Variants in DDX60L observed in about 807,000 individuals in gnomAD.
DDX60L encodes the protein DExD/H-box 60 like, also known as probable ATP-dependent RNA helicase DDX60-like.
Under a neutral mutation model 211.6 loss-of-function variants are expected in DDX60L, and 191 were observed. That is an observed-to-expected ratio of 0.90 (90% CI 0.80 to 1.02). The LOEUF (loss-of-function observed/expected upper bound fraction) is 1.02. DDX60L is among the 50% of genes least tolerant of loss of function. The pLI is 0.00. For missense variants in DDX60L, 2,007 were observed against 1,984.1 expected, an observed-to-expected ratio of 1.01 and a Z score of -0.22; for synonymous variants, 706 against 694.1, an observed-to-expected ratio of 1.02 and a Z score of -0.27.
chr4:168,383,089 C>T (rs1743245619), intron 30 of DDX60L, among the ~76,000 whole-genome samples: 1 of 152,158 alleles, frequency 6.6e-6, no homozygotes. Context: ...AACCAGGGAC[C>T]TATTCCAGAC....
At chr4:168,430,884 A>G (rs1227232125) in intron 12 of DDX60L, among the ~76,000 whole-genome samples, 2 of 152,262 alleles carry the variant, frequency 1.3e-5, no homozygotes, top group East Asian at 3.9e-4. Context: ...AGAGGAGAAG[A>G]GGAAGGTTGG....
chr4:168,371,556 A>G (rs1741017170), intron 36 of DDX60L, 56 bp downstream of exon 36: 2 of 994,858 alleles, frequency 2.0e-6, no homozygotes, highest in African/African-American at 3.2e-5. Flanking sequence ...ATACAATAAT[A>G]AAACATAGAT....
Position 168,434,068 on chromosome 4 carries a change from CTTTGTT to C in DDX60L, c.1295-959_1295-954del, listed in dbSNP as rs1287420855. Among the ~76,000 whole-genome samples, 11 of 151,678 alleles carry C rather than the reference CTTTGTT, an allele frequency of 7.3e-5. No homozygotes were observed. In the East Asian group the frequency reaches 2.1e-3, roughly 29 times the overall value. On this transcript the variant is annotated intron_variant, in intron 10 of 37. Coordinates refer to ENST00000682922, the MANE Select transcript of DDX60L (RefSeq NM_001012967.3). ...GTTTTCTTTCTTATTCTTAAGAGAA[CTTTGTT>C]TTTGGTTTGCTGCGGTTGCACTATA...
At chr4:168,406,432 A>G (rs1019596021) in intron 23 of DDX60L, among the ~76,000 whole-genome samples, 170 bp downstream of exon 23, 4 of 152,260 alleles carry the variant, frequency 2.6e-5, no homozygotes, top group African/African-American at 9.6e-5. Flanking sequence ...ACGTACAATA[A>G]TAAAGTCACA....
chr4:168,407,312 T>C (rs1747916640), intron 22 of DDX60L, among the ~76,000 whole-genome samples: 2 of 152,166 alleles, frequency 1.3e-5, no homozygotes, highest in Non-Finnish European at 2.9e-5. Flanking sequence ...TCTGAAGCCT[T>C]TAGAACTCAT....
chr4:168,450,131 G>A (rs879248642), intron 8 of DDX60L, among the ~76,000 whole-genome samples: 2 of 152,128 alleles, frequency 1.3e-5, no homozygotes, highest in South Asian at 2.1e-4. Context: ...TGCAGCTGGA[G>A]GCTACAAGAT....
chr4:168,463,953 A>G (rs1354757751), intron 4 of DDX60L, among the ~76,000 whole-genome samples: 1 of 152,202 alleles, frequency 6.6e-6, no homozygotes, highest in Non-Finnish European at 1.5e-5. Context: ...CCAAATAAGG[A>G]TAGTGCCTCT....
At chr4:168,455,236 C>A (rs1213283201) in intron 7 of DDX60L, among the ~76,000 whole-genome samples, 2 of 146,590 alleles carry the variant, frequency 1.4e-5, no homozygotes, top group Admixed American at 1.4e-4. Flanking sequence ...GAGTTTTCAG[C>A]CTGAAACACA....
intron 27 of DDX60L, among the ~76,000 whole-genome samples, chr4:168,395,336 A>G (rs1308015678): frequency 6.6e-6 from 1 of 152,196 alleles, no homozygotes; most frequent in Non-Finnish European, 1.5e-5. Context: ...CAATTTGTAT[A>G]TAATATGGCC....
rs1471324719 is a variant in DDX60L, at chr4:168,367,826, G to A, written c.4928+3786C>T. On this transcript the variant is annotated intron_variant, in intron 36 of 37. Coordinates refer to ENST00000682922, the MANE Select transcript of DDX60L (RefSeq NM_001012967.3). ...GGTAGCTCTTGTATGTTTTAGCAAA[G>A]AGACTGGCAGCATTTTGCCCCTGCC... Among the ~76,000 whole-genome samples, 3 of 152,322 alleles carry A rather than the reference G, an allele frequency of 2.0e-5. No individual in the cohort carries two copies. The East Asian group carries it at 5.8e-4, about 29-fold the overall frequency.
chr4:168,431,719 AAAAAG>A (rs1395674538), intron 12 of DDX60L, among the ~76,000 whole-genome samples: 5 of 152,172 alleles, frequency 3.3e-5, no homozygotes, highest in African/African-American at 1.2e-4. Context: ...AAAATAAAAT[AAAAAG>A]AAAAGTTTTA....
At chr4:168,479,943 C>T (rs959113139) in intron 1 of DDX60L, among the ~76,000 whole-genome samples, 7 of 146,182 alleles carry the variant, frequency 4.8e-5, no homozygotes, top group Non-Finnish European at 8.9e-5. Flanking sequence ...GAGATAACGC[C>T]ACTGCACTCC....
At chr4:168,411,425 A>G (rs555940203) in intron 22 of DDX60L, among the ~76,000 whole-genome samples, 18 of 152,326 alleles carry the variant, frequency 1.2e-4, no homozygotes, top group African/African-American at 3.6e-4. Flanking sequence ...GAGGGAAAGC[A>G]TGGTGACTGG....
intron 36 of DDX60L, among the ~76,000 whole-genome samples, chr4:168,368,767 C>T (rs1404002934): frequency 2.0e-5 from 3 of 152,178 alleles, no homozygotes; most frequent in East Asian, 1.9e-4. Flanking sequence ...CAGCATGGCT[C>T]GGATGCAAGA....
intron 1 of DDX60L, among the ~76,000 whole-genome samples, chr4:168,477,409 T>C (rs1471728728): frequency 1.3e-5 from 2 of 151,356 alleles, no homozygotes; most frequent in Non-Finnish European, 2.9e-5. Context: ...AGCAAGACTC[T>C]GTCTAAAAAA....
At chr4:168,428,869 G>T (rs1220039765) in intron 13 of DDX60L, among the ~76,000 whole-genome samples, 3 of 151,840 alleles carry the variant, frequency 2.0e-5, no homozygotes, top group Admixed American at 1.3e-4. Flanking sequence ...AATTTTTTTT[G>T]AATTACAGGG....
Position 168,448,839 on chromosome 4 carries a change from G to T in DDX60L, c.997-60C>A, listed in dbSNP as rs981117480. The T allele has an allele frequency of 2.7e-6, 4 of 1,492,434 alleles. No individual in the cohort carries two copies. In the African/African-American group the frequency reaches 4.2e-5, roughly 16 times the overall value. 92.4% of individuals were successfully genotyped at this position (1,492,434 alleles called of 1,614,324 possible). The stretch of plus-strand genomic sequence containing the variant: ...GGCATGGAATAATTTCATACTCCTG[G>T]TTAACCCCCTATAAGGTAGGTCACA... On this transcript the variant is annotated intron_variant, in intron 8 of 37. Coordinates refer to ENST00000682922, the MANE Select transcript of DDX60L (RefSeq NM_001012967.3).
chr4:168,426,926 T>C, intron 14 of DDX60L, 144 bp downstream of exon 14: 1 of 977,124 alleles, frequency 1.0e-6, no homozygotes, highest in Non-Finnish European at 1.5e-6. Flanking sequence ...AATATAATAA[T>C]AACTATCTTA....
intron 22 of DDX60L, among the ~76,000 whole-genome samples, chr4:168,411,807 G>C (rs1012895421): frequency 6.6e-6 from 1 of 152,020 alleles, no homozygotes; most frequent in Non-Finnish European, 1.5e-5. Context: ...ACCCTAAGCA[G>C]TGCAGCTCGC....
Sources: allele counts gnomAD v4.1 joint callset (sites outside exome capture counted in the v4.1 genomes callset), GRCh38; gene constraint gnomAD v4.1.1; transcripts MANE v1.5; gene names NCBI Gene and HGNC (gene_info 2026-07-23, HGNC 2026-07-21).